RSPH1: variants seen among roughly 807,000 people sequenced by gnomAD.
The protein encoded by RSPH1 is radial spoke head component 1, also known as radial spoke head 1 homolog.
Under a neutral mutation model 44.2 loss-of-function variants are expected in RSPH1, and 32 were observed. The observed-to-expected ratio is 0.72, with a 90% confidence interval of 0.55 to 0.97. The LOEUF is 0.97. Among genes scored for constraint, RSPH1 ranks in the 50% least tolerant of loss-of-function variants. The pLI is 0.00. For synonymous variants in RSPH1, 134 were observed against 147.3 expected (o/e 0.91, Z 0.65); for missense variants, 391 against 398.7 (o/e 0.98, Z 0.16).
chr21:42,496,099 C>G (rs772528532), intron 1 of RSPH1, 34 bp downstream of exon 1: 2 of 1,612,862 alleles, frequency 1.2e-6, no homozygotes, highest in African/African-American at 1.3e-5. Flanking sequence ...CCGCTGCGCA[C>G]CCTGGGAAGC....
In RSPH1 at chr21:42,477,356, G is replaced by A; in HGVS notation, c.662C>T (p.Thr221Ile). Residue 221 changes from threonine to isoleucine, a missense_variant, in exon 7 of 9, where the codon ACA (threonine) becomes ATA (isoleucine). Thr to Ile is a moderately conservative substitution (Grantham distance 89). Coordinates refer to ENST00000291536, the MANE Select transcript of RSPH1 (RefSeq NM_080860.4). ...GGTCGGCTTTTTGGGGAGAGTTGGTGTCCACAGGGCCAATTCAGTGATTTG... is the reference window on the plus strand; with the variant it reads ...GGTCGGCTTTTTGGGGAGAGTTGGTATCCACAGGGCCAATTCAGTGATTTG... ...ATQITELALW[T>I]PTLPKKPTST... The A allele has an allele frequency of 3.1e-6, 5 of 1,608,746 alleles. No individual in the cohort carries two copies. The highest frequency in any genetic ancestry group is 4.2e-6 in the Non-Finnish European group (5 of 1,177,910).
At chr21:42,495,183 G>A (rs556951577) in intron 1 of RSPH1, among the ~76,000 whole-genome samples, 1 of 152,312 alleles carries the variant, frequency 6.6e-6, no homozygotes, top group South Asian at 2.1e-4. Flanking sequence ...ACTAGCTACT[G>A]GCTGTCTGGC....
At chr21:42,476,279 C>T (rs2054049008) in intron 7 of RSPH1, among the ~76,000 whole-genome samples, 1 of 152,098 alleles carries the variant, frequency 6.6e-6, no homozygotes, top group Non-Finnish European at 1.5e-5. Flanking sequence ...AGTCTGATAA[C>T]TTTCATTCCT....
At chr21:42,477,632 G>C (rs1160776112) in intron 6 of RSPH1, among the ~76,000 whole-genome samples, 188 bp from the exon 7 acceptor site, 2 of 152,174 alleles carry the variant, frequency 1.3e-5, no homozygotes, top group African/African-American at 4.8e-5. Flanking sequence ...GTTGAGAATG[G>C]ATCTTGAAAG....
chr21:42,488,373 A>G (rs1226001704), intron 3 of RSPH1, among the ~76,000 whole-genome samples: 1 of 152,174 alleles, frequency 6.6e-6, no homozygotes, highest in Admixed American at 6.5e-5. Context: ...CAAGCTACAC[A>G]TGGAGCTGGG....
intron 6 of RSPH1, 42 bp from the exon 7 acceptor site, chr21:42,477,486 C>A (rs1314348861): frequency 6.2e-7 from 1 of 1,600,762 alleles, no homozygotes; most frequent in South Asian, 1.1e-5. Flanking sequence ...ACATTTGTGT[C>A]ATCTTGGTCT....
intron 8 of RSPH1, among the ~76,000 whole-genome samples, chr21:42,473,489 TA>T (rs5844123): frequency 0.66 from 82,691 of 125,410 alleles, 26,667 homozygotes; most frequent in South Asian, 0.77. Context: ...GATTCCATCT[TA>T]AAAAAAAAAA....
chr21:42,490,940 G>A (rs1226941971), intron 3 of RSPH1, among the ~76,000 whole-genome samples: 6 of 152,174 alleles, frequency 3.9e-5, no homozygotes, highest in African/African-American at 1.4e-4. Context: ...CTTCTGGGGT[G>A]ATAAACATAT....
At position 42,492,790 on chromosome 21, in the gene RSPH1, G is replaced by A; in HGVS notation, c.242C>T (p.Thr81Ile). 7.4e-6 allele frequency: 12 copies of A among 1,611,312 alleles called. No homozygotes were observed. The highest frequency in any genetic ancestry group is 1.0e-5 in the Non-Finnish European group (12 of 1,177,466). ...YVRNKKHGQG[T>I]FIYPDGSRYE... ...TCTGGATCCATCTGGATATATAAAA[G>A]TGCCTTGACCGTGCTTTTTATTTCT... is the stretch of plus-strand genomic sequence containing the variant. The change falls in exon 3 of 9, where the codon ACT (threonine) becomes ATT (isoleucine). Residue 81 changes from threonine to isoleucine, a missense_variant. Thr to Ile is a moderately conservative substitution (Grantham distance 89, BLOSUM62 -1). Transcript: ENST00000291536.
At chr21:42,495,195 G>A (rs148983959) in intron 1 of RSPH1, among the ~76,000 whole-genome samples, 2 of 152,334 alleles carry the variant, frequency 1.3e-5, no homozygotes, top group African/African-American at 2.4e-5. Context: ...CTGTCTGGCC[G>A]GATGTGAATT....
Position 42,477,329 on chromosome 21 carries a change from G to A in RSPH1, c.689C>T (p.Ser230Phe). ...WTPTLPKKPT[S>F]TDGPGQDAPG... The stretch of plus-strand genomic sequence containing the variant: ...AGCGTCTTGGCCAGGTCCATCCGTA[G>A]AGGTCGGCTTTTTGGGGAGAGTTGG... Residue 230 changes from serine to phenylalanine, a missense_variant, in exon 7 of 9, where the codon TCT becomes TTT. By Grantham distance (155) the Ser-to-Phe change is radical. Coordinates refer to ENST00000291536, the MANE Select transcript of RSPH1 (RefSeq NM_080860.4). The A allele has an allele frequency of 1.2e-6, 2 of 1,610,030 alleles. No individual in the cohort carries two copies. Among genetic ancestry groups the A allele is most frequent in the South Asian group, 1.1e-5 (1 of 90,964 alleles).
chr21:42,487,763 T>G (rs748962788), intron 3 of RSPH1, among the ~76,000 whole-genome samples: 2 of 152,224 alleles, frequency 1.3e-5, no homozygotes, highest in Non-Finnish European at 2.9e-5. Flanking sequence ...GAATACCCAA[T>G]AGGCTAAGAA....
chr21:42,485,566 G>T, intron 5 of RSPH1, 103 bp downstream of exon 5: 1 of 1,386,766 alleles, frequency 7.2e-7, no homozygotes, highest in Non-Finnish European at 1.0e-6. Flanking sequence ...GCCGGACTCA[G>T]TTTTCTCTGA....
chr21:42,484,734 T>G (rs562435078), intron 5 of RSPH1: 79 of 152,352 alleles, frequency 5.2e-4, no homozygotes, highest in Middle Eastern at 3.4e-3. Flanking sequence ...CAGATTCATT[T>G]TCATCAAATT....
chr21:42,495,816 G>C (rs575283155), intron 1 of RSPH1, among the ~76,000 whole-genome samples: 2 of 152,154 alleles, frequency 1.3e-5, no homozygotes, highest in African/African-American at 4.8e-5. Flanking sequence ...AAACTGCCTC[G>C]ATGGGAATTA....
intron 7 of RSPH1, among the ~76,000 whole-genome samples, chr21:42,476,616 C>G (rs868278205): frequency 2.6e-5 from 4 of 152,144 alleles, no homozygotes; most frequent in African/African-American, 9.7e-5. Flanking sequence ...ACGGACCCTT[C>G]TTCAGGGAAG....
chr21:42,477,536 G>C, intron 6 of RSPH1, 92 bp from the exon 7 acceptor site: 11 of 1,386,556 alleles, frequency 7.9e-6, no homozygotes, highest in Non-Finnish European at 1.1e-5. Flanking sequence ...AGTTTTGAAA[G>C]ACAGGTTTTG....
chr21:42,476,943 A>T (rs2054058877), intron 7 of RSPH1, among the ~76,000 whole-genome samples: 1 of 151,910 alleles, frequency 6.6e-6, no homozygotes, highest in Admixed American at 6.6e-5. Flanking sequence ...CCCACAGCCC[A>T]AAGGCGCCCA....
chr21:42,483,473 T>TA (rs904602870), intron 5 of RSPH1, among the ~76,000 whole-genome samples: 27 of 152,114 alleles, frequency 1.8e-4, no homozygotes, highest in African/African-American at 6.3e-4. Flanking sequence ...TTTTTTTATA[T>TA]AAAACAACAG....
Sources: gnomAD v4.1 joint callset for allele counts (sites outside exome capture counted in the v4.1 genomes callset) on GRCh38, gnomAD v4.1.1 for gene constraint, MANE v1.5 for transcripts, NCBI Gene and HGNC (gene_info 2026-07-23, HGNC 2026-07-21) for gene names.